The following PSD3 variants were observed in gnomAD, a reference collection of about 807,000 sequenced individuals.
PSD3 encodes pleckstrin and Sec7 domain containing 3, also known as PH and SEC7 domain-containing protein 3.
Under a neutral mutation model 105.5 loss-of-function variants are expected in PSD3, and 49 were observed. The ratio of observed to expected loss-of-function variants is 0.46; its 90% CI spans 0.37 to 0.59. The LOEUF (loss-of-function observed/expected upper bound fraction) is 0.59. PSD3 is among the 20% of genes least tolerant of loss of function. The probability of loss-of-function intolerance (pLI) is 0.00; values close to 1 mark genes in which losing one functional copy is unlikely to be tolerated. For missense variants in PSD3, 1,561 were observed against 1,263.8 expected, an observed-to-expected ratio of 1.24 and a Z score of -3.57; for synonymous variants, 557 against 457.8, an observed-to-expected ratio of 1.22 and a Z score of -2.77.
intron 1 of PSD3, among the ~76,000 whole-genome samples, chr8:18,958,204 CAA>C (rs1823697311): frequency 6.6e-6 from 1 of 152,046 alleles, no homozygotes; most frequent in African/African-American, 2.4e-5. Flanking sequence ...AAACTACCGC[CAA>C]GATATACTGT....
intron 8 of PSD3, among the ~76,000 whole-genome samples, chr8:18,775,457 CAG>C (rs1484405779): frequency 6.6e-6 from 1 of 152,118 alleles, no homozygotes; most frequent in East Asian, 1.9e-4. Context: ...CTGTCTTTTT[CAG>C]AGAGTGTATG....
intron 4 of PSD3, among the ~76,000 whole-genome samples, chr8:18,809,455 G>C (rs1342538303): frequency 1.3e-5 from 2 of 152,060 alleles, no homozygotes; most frequent in East Asian, 1.9e-4. Flanking sequence ...ACAACCTTTT[G>C]AATCATACTA....
At chr8:18,758,186 C>G (rs6996801) in intron 9 of PSD3, among the ~76,000 whole-genome samples, 28,049 of 152,032 alleles carry the variant, frequency 0.18, 3,839 homozygotes, top group African/African-American at 0.38. Context: ...TCTGATGTCT[C>G]CAGCTATACT....
intron 2 of PSD3, among the ~76,000 whole-genome samples, chr8:18,907,522 TA>T (rs1819924168): frequency 6.6e-6 from 1 of 152,182 alleles, no homozygotes; most frequent in African/African-American, 2.4e-5. Context: ...AATGTTTAGA[TA>T]TGTTTTGACA....
chr8:18,822,969 C>T lies in PSD3; in HGVS notation c.1635-18071G>A, dbSNP rs1317741201. Among the ~76,000 whole-genome samples, 6 of 152,056 alleles carry T rather than the reference C, an allele frequency of 3.9e-5. No individual in the cohort carries two copies. In the East Asian group the frequency reaches 9.6e-4, roughly 24 times the overall value. ...ATGTGCTCACTCCAAAAATGGCAAGCCGATCCAATCAATCAGCTCTTGAAG... is the reference window on the plus strand; with the variant it reads ...ATGTGCTCACTCCAAAAATGGCAAGTCGATCCAATCAATCAGCTCTTGAAG... On this transcript the variant is annotated intron_variant, in intron 4 of 15. Coordinates refer to ENST00000327040, the MANE Select transcript of PSD3 (RefSeq NM_015310.4).
At chr8:18,680,299 T>C (rs1358599961) in intron 9 of PSD3, among the ~76,000 whole-genome samples, 1 of 152,142 alleles carries the variant, frequency 6.6e-6, no homozygotes, top group Admixed American at 6.5e-5. Context: ...ACCCCAAGGG[T>C]ACCCGAATAC....
At chr8:18,757,425 C>T (rs1175235248) in intron 9 of PSD3, among the ~76,000 whole-genome samples, 1 of 152,140 alleles carries the variant, frequency 6.6e-6, no homozygotes, top group Non-Finnish European at 1.5e-5. Flanking sequence ...GATCATGCCA[C>T]TGCATTCCAG....
chr8:19,047,071 C>T (rs899968666), intron 1 of PSD3, among the ~76,000 whole-genome samples: 1 of 152,196 alleles, frequency 6.6e-6, no homozygotes, highest in Non-Finnish European at 1.5e-5. Flanking sequence ...CTCCGGGGCT[C>T]GTTGCCAGCA....
intron 1 of PSD3, among the ~76,000 whole-genome samples, chr8:19,029,822 C>T (rs1827695154): frequency 6.6e-6 from 1 of 152,120 alleles, no homozygotes; most frequent in Non-Finnish European, 1.5e-5. Context: ...AAAATTTTCA[C>T]TAATAAATTT....
chr8:19,081,549 T>C (rs1829645923), intron 1 of PSD3, among the ~76,000 whole-genome samples: 1 of 152,172 alleles, frequency 6.6e-6, no homozygotes, highest in African/African-American at 2.4e-5. Context: ...GATAATAACA[T>C]ACATCCTTGC....
chr8:18,673,831 G>C (rs933327181), intron 9 of PSD3, among the ~76,000 whole-genome samples: 1 of 152,124 alleles, frequency 6.6e-6, no homozygotes, highest in African/African-American at 2.4e-5. Context: ...ACTTATCAGA[G>C]AGAAAGAACA....
chr8:18,969,046 C>T (rs1002342798), intron 1 of PSD3, among the ~76,000 whole-genome samples: 2 of 152,046 alleles, frequency 1.3e-5, no homozygotes, highest in South Asian at 2.1e-4. Flanking sequence ...AGTATATAGC[C>T]TTCCAAAGTG....
chr8:18,745,749 T>C (rs1400572682), intron 9 of PSD3, among the ~76,000 whole-genome samples: 2 of 152,208 alleles, frequency 1.3e-5, no homozygotes, highest in East Asian at 1.9e-4. Context: ...CATGCATATA[T>C]ACATACCCAT....
chr8:18,616,372 G>A (rs1444208803), intron 11 of PSD3, among the ~76,000 whole-genome samples: 1 of 152,202 alleles, frequency 6.6e-6, no homozygotes, highest in Non-Finnish European at 1.5e-5. Context: ...GCTCTGCAAA[G>A]CTATCTTTTG....
chr8:18,955,417 T>C (rs572883790), intron 1 of PSD3, among the ~76,000 whole-genome samples: 2 of 152,316 alleles, frequency 1.3e-5, no homozygotes, highest in East Asian at 3.9e-4. Context: ...TCTATTTTAA[T>C]AATATAATTG....
chr8:18,879,069 C>A (rs571237077), intron 2 of PSD3, among the ~76,000 whole-genome samples: 2 of 150,986 alleles, frequency 1.3e-5, no homozygotes, highest in African/African-American at 4.9e-5. Flanking sequence ...CACACACACA[C>A]ACACACACAC....
intron 11 of PSD3, among the ~76,000 whole-genome samples, chr8:18,625,692 T>A (rs1806425565): frequency 6.6e-6 from 1 of 152,212 alleles, no homozygotes; most frequent in Non-Finnish European, 1.5e-5. Context: ...TAGTTTGGTA[T>A]AATCAGATTT....
rs1799536389 is a variant in PSD3, at chr8:18,529,139, G to A, written c.*6604C>T. 1 of 152,192 alleles carries A rather than the reference G, an allele frequency of 6.6e-6. No individual in the cohort carries two copies. Among genetic ancestry groups the A allele is most frequent in the Admixed American group, 6.5e-5 (1 of 15,276 alleles). 9.4% of individuals were successfully genotyped at this position (152,192 alleles called of 1,614,324 possible). On this transcript the variant is annotated 3_prime_UTR_variant, in exon 16 of 16. Coordinates refer to ENST00000327040, the MANE Select transcript of PSD3 (RefSeq NM_015310.4). ...ACACCAGCTTCTGGGACTTCACCCAGGCTACGGAGAGATGCTGGAGAGCTG... is the reference window on the plus strand; with the variant it reads ...ACACCAGCTTCTGGGACTTCACCCAAGCTACGGAGAGATGCTGGAGAGCTG...
At chr8:18,956,348 G>T (rs905821320) in intron 1 of PSD3, among the ~76,000 whole-genome samples, 1 of 152,174 alleles carries the variant, frequency 6.6e-6, no homozygotes, top group African/African-American at 2.4e-5. Flanking sequence ...CAGGTCTGGG[G>T]TGGGGCCTGA....
Sources: allele counts gnomAD v4.1 joint callset (sites outside exome capture counted in the v4.1 genomes callset), GRCh38; gene constraint gnomAD v4.1.1; transcripts MANE v1.5; gene names NCBI Gene and HGNC (gene_info 2026-07-23, HGNC 2026-07-21).